The following ITPK1 variants were observed in gnomAD, a reference collection of about 807,000 sequenced individuals.
ITPK1 encodes inositol 1,3,4-trisphosphate 5/6-kinase.
Under a neutral mutation model 45.3 loss-of-function variants are expected in ITPK1, and 21 were observed. The observed-to-expected ratio is 0.46, with a 90% CI of 0.33 to 0.67. The LOEUF is 0.67. Among genes scored for constraint, ITPK1 ranks in the 30% least tolerant of loss-of-function variants. ITPK1 has a pLI of 0.02. For missense variants in ITPK1, 474 were observed against 573.5 expected (o/e 0.83, Z 1.77); for synonymous variants, 258 against 253.6 (o/e 1.02, Z -0.16).
At chr14:92,996,986 G>T (rs1887086551) in intron 4 of ITPK1, among the ~76,000 whole-genome samples, 1 of 152,236 alleles carries the variant, frequency 6.6e-6, no homozygotes, top group Non-Finnish European at 1.5e-5. Flanking sequence ...GGTGTAAACA[G>T]ACTGAGAAAA....
At chr14:93,080,160 T>C (rs1207324806) in intron 2 of ITPK1, among the ~76,000 whole-genome samples, 1 of 152,222 alleles carries the variant, frequency 6.6e-6, no homozygotes, top group Non-Finnish European at 1.5e-5. Flanking sequence ...CTGTGTGCTG[T>C]AGATAATTAT....
At chr14:93,097,237 A>G (rs1892115405) in intron 2 of ITPK1, among the ~76,000 whole-genome samples, 1 of 151,948 alleles carries the variant, frequency 6.6e-6, no homozygotes, top group Non-Finnish European at 1.5e-5. Context: ...TGACTTTGAC[A>G]CCTCCGCCAA....
At chr14:93,018,445 G>A (rs753435226) in intron 3 of ITPK1, among the ~76,000 whole-genome samples, 3 of 151,976 alleles carry the variant, frequency 2.0e-5, no homozygotes, top group Non-Finnish European at 4.4e-5. Context: ...TTGCACCCCC[G>A]GAACGCAGCA....
chr14:93,076,867 C>T lies in ITPK1; in HGVS notation c.96-248G>A, dbSNP rs1037596203. Among the ~76,000 whole-genome samples the T allele has an allele frequency of 6.6e-6, 1 of 152,116 alleles. No individual in the cohort carries two copies. The highest frequency in any genetic ancestry group is 2.4e-5 in the African/African-American group (1 of 41,418). On this transcript the variant is annotated intron_variant, in intron 2 of 10. Transcript: ENST00000267615. The surrounding 1 kb of genome is among the most constrained non-coding windows in gnomAD (Gnocchi z 4.3). ...GCTGGAGTCCTCTGGAGGCCCCACGCCAGCCACCTCCCTCCACTCCTGGGC... is the reference window on the plus strand; with the variant it reads ...GCTGGAGTCCTCTGGAGGCCCCACGTCAGCCACCTCCCTCCACTCCTGGGC...
At chr14:92,984,941 CA>C (rs754978613) in intron 5 of ITPK1, among the ~76,000 whole-genome samples, 3 of 152,138 alleles carry the variant, frequency 2.0e-5, no homozygotes, top group Non-Finnish European at 4.4e-5. Flanking sequence ...TTGCCAACTA[CA>C]AAGGAAAAAA....
rs139453298 is a variant in ITPK1, at chr14:92,951,961, T to A, written c.723A>T (p.Ser241=). ...NSHNVSKPES[S]SVLTELDKIE... The stretch of plus-strand genomic sequence containing the variant: ...AGGGACCCACCTCCGTCAGGACCGA[T>A]GACGACTCCGGCTTTGACACGTTGT... Residue 241 remains serine, a synonymous_variant, in exon 9 of 11, where the codon TCA becomes TCT. Coordinates refer to ENST00000267615, the MANE Select transcript of ITPK1 (RefSeq NM_014216.6). The A allele has an allele frequency of 5.9e-5, 93 of 1,579,436 alleles. No homozygotes were observed. The African/African-American group carries it at 1.2e-3, about 20-fold the overall frequency.
At chr14:93,020,778 C>T (rs183639278) in intron 3 of ITPK1, among the ~76,000 whole-genome samples, 238 of 152,222 alleles carry the variant, frequency 1.6e-3, no homozygotes, top group African/African-American at 5.6e-3. Flanking sequence ...GTGTGGCCAC[C>T]GCCCTCTAGG....
chr14:92,967,472 G>A (rs991655200), intron 5 of ITPK1, among the ~76,000 whole-genome samples: 2 of 152,204 alleles, frequency 1.3e-5, no homozygotes, highest in African/African-American at 4.8e-5. Flanking sequence ...GGTGGGAATA[G>A]AGAAATGGTA....
At chr14:93,088,788 C>T (rs1280441296) in intron 2 of ITPK1, among the ~76,000 whole-genome samples, 10 of 152,164 alleles carry the variant, frequency 6.6e-5, no homozygotes, top group Admixed American at 2.6e-4. Flanking sequence ...TGAGCCACCG[C>T]GCCTGGCCTG....
At chr14:93,009,269 T>C (rs1386826071) in intron 4 of ITPK1, among the ~76,000 whole-genome samples, 1 of 152,218 alleles carries the variant, frequency 6.6e-6, no homozygotes, top group Non-Finnish European at 1.5e-5. Flanking sequence ...AAATGTATTA[T>C]TGATAAACAT....
At chr14:93,029,505 C>T (rs765200853) in intron 3 of ITPK1, among the ~76,000 whole-genome samples, 10 of 152,126 alleles carry the variant, frequency 6.6e-5, no homozygotes, top group Non-Finnish European at 1.0e-4. Flanking sequence ...CAAGGACACC[C>T]GAGCCACCCG....
intron 9 of ITPK1, 65 bp downstream of exon 9, chr14:92,951,881 G>T: frequency 7.6e-7 from 1 of 1,310,760 alleles, no homozygotes; most frequent in Non-Finnish European, 1.1e-6. Context: ...CATGGCCACA[G>T]CAGCCCACAC....
chr14:92,951,923 G>A, intron 9 of ITPK1, 23 bp downstream of exon 9: 1 of 1,559,346 alleles, frequency 6.4e-7, no homozygotes, highest in Non-Finnish European at 8.7e-7. Context: ...TTCAGGCCAG[G>A]CCATCCCAGC....
rs530487883 is a variant in ITPK1 at position 93,090,996 on chromosome 14, G to A, written c.96-14377C>T. 7.2e-5 allele frequency among the ~76,000 whole-genome samples: 11 copies of A among 152,272 alleles called. No individual in the cohort carries two copies. The East Asian group carries it at 1.9e-3, about 27-fold the overall frequency. Reference sequence around the variant, plus strand: ...CCTTCCTCCGCAATCACCATGGAAAGGTTTCCCTGGGGCTTGCAGGCAGCC... The same window carrying A: ...CCTTCCTCCGCAATCACCATGGAAAAGTTTCCCTGGGGCTTGCAGGCAGCC... On this transcript the variant is annotated intron_variant, in intron 2 of 10. Transcript: ENST00000267615.
At chr14:92,991,715 G>C (rs538164203) in intron 5 of ITPK1, among the ~76,000 whole-genome samples, 2 of 152,014 alleles carry the variant, frequency 1.3e-5, no homozygotes, top group East Asian at 3.9e-4. Flanking sequence ...TCATCACCGG[G>C]TTCCTGCTCC....
intron 3 of ITPK1, among the ~76,000 whole-genome samples, chr14:93,029,228 A>G (rs1314704919): frequency 6.6e-6 from 1 of 152,182 alleles, no homozygotes; most frequent in African/African-American, 2.4e-5. Context: ...ACTGAGAGTA[A>G]GCGGCAGGCC....
intron 2 of ITPK1, among the ~76,000 whole-genome samples, chr14:93,090,349 C>T (rs1891818596): frequency 6.6e-6 from 1 of 152,182 alleles, no homozygotes; most frequent in African/African-American, 2.4e-5. Flanking sequence ...TCTCAGAGGG[C>T]GGTCCAAGAG....
intron 3 of ITPK1, among the ~76,000 whole-genome samples, chr14:93,022,373 G>A (rs1241032416): frequency 1.3e-5 from 2 of 152,172 alleles, no homozygotes; most frequent in African/African-American, 2.4e-5. Context: ...CCACCACAAA[G>A]GGCTAGTCAA....
chr14:92,941,157 G>C lies in ITPK1; in HGVS notation c.*404C>G. 8.3e-7 allele frequency: 1 copy of C among 1,210,274 alleles called. No individual in the cohort carries two copies. Among genetic ancestry groups the C allele is most frequent in the Non-Finnish European group, 1.0e-6 (1 of 960,086 alleles). The allele number at this position is 1,210,274 out of a possible 1,614,324, so 75.0% of individuals were successfully genotyped here. On this transcript the variant is annotated 3_prime_UTR_variant, in exon 11 of 11. Coordinates refer to ENST00000267615, the MANE Select transcript of ITPK1 (RefSeq NM_014216.6). The stretch of plus-strand genomic sequence containing the variant: ...CACATGCACCGATCAGCCTCCCACA[G>C]CCCGACATGGGCAGGCTTCCCCCAA...
Sources: gnomAD v4.1 joint callset for allele counts (sites outside exome capture counted in the v4.1 genomes callset) on GRCh38, gnomAD v4.1.1 for gene constraint, Gnocchi (gnomAD v3.1) non-coding constraint, MANE v1.5 for transcripts, NCBI Gene and HGNC (gene_info 2026-07-23, HGNC 2026-07-21) for gene names.